The following ENOSF1 variants were observed in gnomAD, a reference collection of about 807,000 sequenced individuals.
ENOSF1 encodes the protein mitochondrial enolase superfamily member 1.
In ENOSF1, 73 loss-of-function variants were observed where a neutral mutation model predicts 68.2. The ratio of observed to expected loss-of-function variants is 1.07; its 90% CI spans 0.89 to 1.30. The LOEUF (loss-of-function observed/expected upper bound fraction) is 1.30. ENOSF1 is among the 50% of genes most tolerant of loss of function. ENOSF1 has a pLI of 0.00. For missense variants in ENOSF1, 589 were observed against 554.5 expected (o/e 1.06, Z -0.62); for synonymous variants, 223 against 210.4 (o/e 1.06, Z -0.52).
Position 672,766 on chromosome 18 carries a change from T to C in ENOSF1, c.*1539A>G. ...ATACTCCTGTAAAATAGAACTTTGT[T>C]GATCACATCCTGTGTACTTGTTTCA... On this transcript the variant is annotated 3_prime_UTR_variant, in exon 16 of 16. Transcript: ENST00000647584. 7.3e-7 allele frequency: 1 copy of C among 1,370,488 alleles called. No homozygotes were observed. Among genetic ancestry groups the C allele is most frequent in the Non-Finnish European group, 9.9e-7 (1 of 1,014,716 alleles). The allele number at this position is 1,370,488 out of a possible 1,614,324, so 84.9% of individuals were successfully genotyped here. A position where few individuals can be genotyped will look rare whatever the true frequency, so the allele number is the denominator to read the frequency against.
rs781028740 is a variant in ENOSF1 at position 683,289 on chromosome 18, G to A, written c.833C>T (p.Pro278Leu). 13 of 1,614,040 alleles carry A rather than the reference G, an allele frequency of 8.1e-6. No individual in the cohort carries two copies. The highest frequency in any genetic ancestry group is 1.1e-5 in the Non-Finnish European group (13 of 1,179,976). The change falls in exon 11 of 16, where the codon CCA becomes CTA. Residue 278 changes from proline (P) to leucine (L), a missense_variant. By Grantham distance (98) the Pro-to-Leu change is moderately conservative (BLOSUM62 -3). Coordinates refer to ENST00000647584, the MANE Select transcript of ENOSF1 (RefSeq NM_017512.7). ...CCCCAGAATGTCATCAGGGGAGGTT[G>A]GCTCCTCAATCCACAATGGCTTGAA... Reference protein sequence around the residue: ...AKFKPLWIEEPTSPDDILGHA... With the variant: ...AKFKPLWIEELTSPDDILGHA...
At position 673,342 on chromosome 18, in the gene ENOSF1, G is replaced by A. The variant is rs1447237769; in HGVS notation, c.*963C>T. 4 of 231,876 alleles carry A rather than the reference G, an allele frequency of 1.7e-5. No homozygotes were observed. The highest frequency in any genetic ancestry group is 3.4e-5 in the Non-Finnish European group (4 of 117,836). 14.4% of individuals were successfully genotyped at this position (231,876 alleles called of 1,614,324 possible). On this transcript the variant is annotated 3_prime_UTR_variant, in exon 16 of 16. Transcript: ENST00000647584. ...TTGGTGAATTTCACAAGCTATTTTT[G>A]GAATATTTTTAGAATATTTTAAGAA... is the stretch of plus-strand genomic sequence containing the variant.
chr18:683,401 C>T, intron 10 of ENOSF1, 21 bp from the exon 11 acceptor site: 1 of 1,613,736 alleles, frequency 6.2e-7, no homozygotes, highest in Non-Finnish European at 8.5e-7. Context: ...AGACTCTTCA[C>T]AGGGAGGTCA....
downstream of ENOSF1, chr18:667,620 T>C (rs570163706): frequency 7.7e-6 from 1 of 129,142 alleles, no homozygotes; most frequent in Non-Finnish European, 1.5e-5. Context: ...TGGAGATGGG[T>C]GATGGTGATG....
chr18:696,378 A>AT (rs1201525494), intron 3 of ENOSF1, among the ~76,000 whole-genome samples: 2 of 151,340 alleles, frequency 1.3e-5, no homozygotes, highest in Non-Finnish European at 2.9e-5. Context: ...TGCCCGGCTA[A>AT]TTTTTTGTAT....
intron 9 of ENOSF1, 62 bp downstream of exon 9, chr18:688,512 G>A: frequency 1.2e-6 from 2 of 1,612,536 alleles, no homozygotes; most frequent in Admixed American, 1.7e-5. Flanking sequence ...TGCCAGGAGA[G>A]ACTTACTGCC....
downstream of ENOSF1, among the ~76,000 whole-genome samples, chr18:666,574 A>T (rs184134818): frequency 2.0e-5 from 3 of 152,302 alleles, no homozygotes; most frequent in East Asian, 5.8e-4. Context: ...CTGGGCAGAG[A>T]CCAGCAACCT....
intron 11 of ENOSF1, among the ~76,000 whole-genome samples, chr18:678,947 A>G (rs2741186): frequency 0.63 from 95,472 of 151,976 alleles, 30,731 homozygotes; most frequent in African/African-American, 0.79. Context: ...CTGAGCTGCC[A>G]CCACCAGCCC....
In ENOSF1 at chr18:670,355, G is replaced by T; in HGVS notation, c.*3950C>A. ...TAATAGAGACTTTTAATATAGGAGG[G>T]TGTACCAGAAGCACCAGTTTCCTGT... On this transcript the variant is annotated 3_prime_UTR_variant, in exon 16 of 16. Transcript: ENST00000647584. 4.5e-6 allele frequency: 1 copy of T among 220,434 alleles called. No individual in the cohort carries two copies. Among genetic ancestry groups the T allele is most frequent in the Non-Finnish European group, 9.0e-6 (1 of 110,522 alleles). The allele number at this position is 220,434 out of a possible 1,614,324, so 13.7% of individuals were successfully genotyped here.
intron 5 of ENOSF1, chr18:693,507 G>A (rs2077412401): frequency 1.0e-6 from 1 of 985,192 alleles, no homozygotes; most frequent in African/African-American, 1.7e-5. Flanking sequence ...ATAACATCTG[G>A]CTTTTCAGAG....
Sources: allele counts gnomAD v4.1 joint callset (sites outside exome capture counted in the v4.1 genomes callset), GRCh38; gene constraint gnomAD v4.1.1; transcripts MANE v1.5; gene names NCBI Gene and HGNC (gene_info 2026-07-23, HGNC 2026-07-21).